The following NRG3 variants were observed in gnomAD, a reference collection of about 807,000 sequenced individuals.
NRG3 encodes neuregulin 3.
Under a neutral mutation model 66.9 loss-of-function variants are expected in NRG3, and 31 were observed. That is an observed-to-expected ratio of 0.46 (90% CI 0.35 to 0.63). NRG3 has a LOEUF of 0.63. Ranked by LOEUF, NRG3 falls within the 20% of genes least tolerant of loss-of-function variation. NRG3 has a pLI of 0.00. For missense variants in NRG3, 910 were observed against 878.9 expected, an observed-to-expected ratio of 1.04 and a Z score of -0.45; for synonymous variants, 393 against 359.4, an observed-to-expected ratio of 1.09 and a Z score of -1.06.
chr10:82,889,769 G>A (rs1364498688), intron 4 of NRG3, among the ~76,000 whole-genome samples: 2 of 152,202 alleles, frequency 1.3e-5, no homozygotes, highest in Non-Finnish European at 2.9e-5. Context: ...TGAAGGTGGA[G>A]TTTTGAGTAA....
chr10:82,285,189 C>T (rs1288555450), intron 1 of NRG3, among the ~76,000 whole-genome samples: 1 of 152,160 alleles, frequency 6.6e-6, no homozygotes, highest in Non-Finnish European at 1.5e-5. Flanking sequence ...TTCATTCATG[C>T]TGTAGATGCT....
intron 2 of NRG3, among the ~76,000 whole-genome samples, chr10:82,438,184 C>T (rs1369823573): frequency 2.6e-5 from 4 of 152,212 alleles, no homozygotes; most frequent in Non-Finnish European, 5.9e-5. Context: ...GAGACTGTGG[C>T]CATTCCTCCC....
chr10:82,233,399 G>T (rs943762512), intron 1 of NRG3, among the ~76,000 whole-genome samples: 3 of 152,046 alleles, frequency 2.0e-5, no homozygotes, highest in Non-Finnish European at 4.4e-5. Flanking sequence ...AAAAGAATTG[G>T]CTAGCCTCAA....
At chr10:82,843,621 T>A (rs1191477396) in intron 3 of NRG3, among the ~76,000 whole-genome samples, 1 of 152,136 alleles carries the variant, frequency 6.6e-6, no homozygotes, top group Non-Finnish European at 1.5e-5. Context: ...ACAACTGAAT[T>A]CTCTCATCTA....
chr10:82,512,238 A>G (rs1415841998), intron 2 of NRG3, among the ~76,000 whole-genome samples: 5 of 151,524 alleles, frequency 3.3e-5, no homozygotes, highest in East Asian at 1.9e-4. Context: ...TATAATGAAT[A>G]TACATATACA....
At chr10:82,800,724 G>A (rs944065182) in intron 3 of NRG3, among the ~76,000 whole-genome samples, 1 of 152,188 alleles carries the variant, frequency 6.6e-6, no homozygotes, top group African/African-American at 2.4e-5. Context: ...TACCAAATAA[G>A]ATATATTAAA....
At chr10:82,116,899 G>T (rs559591351) in intron 1 of NRG3, among the ~76,000 whole-genome samples, 1 of 152,192 alleles carries the variant, frequency 6.6e-6, no homozygotes, top group South Asian at 2.1e-4. Context: ...CCATGACCTG[G>T]AGCTTTGCTT....
intron 2 of NRG3, among the ~76,000 whole-genome samples, chr10:82,705,966 T>A (rs1408094993): frequency 6.6e-6 from 1 of 152,194 alleles, no homozygotes; most frequent in African/African-American, 2.4e-5. Flanking sequence ...ATCTTGATAA[T>A]GATGTGATGG....
chr10:82,842,055 A>T (rs946308931), intron 3 of NRG3, among the ~76,000 whole-genome samples: 7 of 152,182 alleles, frequency 4.6e-5, no homozygotes, highest in Non-Finnish European at 8.8e-5. Context: ...GTTTGAGACC[A>T]GCCTGGTCAA....
At chr10:82,855,222 G>A (rs189690901) in intron 3 of NRG3, among the ~76,000 whole-genome samples, 6 of 152,098 alleles carry the variant, frequency 3.9e-5, no homozygotes, top group Non-Finnish European at 8.8e-5. Context: ...TAAAAGCATG[G>A]TATTAAAACA....
intron 6 of NRG3, among the ~76,000 whole-genome samples, chr10:82,968,829 G>T (rs1851455723): frequency 2.6e-5 from 4 of 152,162 alleles, no homozygotes; most frequent in Admixed American, 2.6e-4. Flanking sequence ...AAGACTGGAT[G>T]ATTTATGAAG....
intron 1 of NRG3, among the ~76,000 whole-genome samples, chr10:82,075,506 C>T (rs1187916654): frequency 6.6e-6 from 1 of 151,948 alleles, no homozygotes; most frequent in African/African-American, 2.4e-5. Flanking sequence ...CATGGTCAGC[C>T]CTTTCTCCAA....
At chr10:82,790,477 C>T (rs184183188) in intron 3 of NRG3, among the ~76,000 whole-genome samples, 23 of 152,102 alleles carry the variant, frequency 1.5e-4, no homozygotes, top group Admixed American at 1.5e-3. Context: ...GCGATGACTC[C>T]TTTTTTCGAT....
rs1035521749 is a variant in NRG3, at chr10:82,563,340, G to A, written c.954-175237G>A. On this transcript the variant is annotated intron_variant, in intron 2 of 8. Transcript: ENST00000372141. ...CATATTTTCCCCTCAGGGTTTCACC[G>A]GGAGTTCTTAACTAAAAAATATGTA... is the stretch of plus-strand genomic sequence containing the variant. 7.9e-5 allele frequency among the ~76,000 whole-genome samples: 12 copies of A among 152,066 alleles called. No homozygotes were observed. The East Asian group carries it at 1.4e-3, about 17-fold the overall frequency.
chr10:81,992,599 C>T (rs1429145285), intron 1 of NRG3, among the ~76,000 whole-genome samples: 4 of 152,178 alleles, frequency 2.6e-5, no homozygotes, highest in African/African-American at 9.6e-5. Context: ...ATACAGATTT[C>T]AGCAATAACT....
intron 4 of NRG3, among the ~76,000 whole-genome samples, chr10:82,900,597 C>T (rs867589533): frequency 2.6e-5 from 4 of 151,968 alleles, no homozygotes; most frequent in Admixed American, 1.3e-4. Context: ...ATAAACAGTA[C>T]TTATATTATG....
intron 1 of NRG3, among the ~76,000 whole-genome samples, chr10:81,941,018 A>G (rs1427120977): frequency 6.6e-6 from 1 of 152,128 alleles, no homozygotes; most frequent in Non-Finnish European, 1.5e-5. Flanking sequence ...TGTGTTCTCT[A>G]AGAAGCACAG....
intron 2 of NRG3, among the ~76,000 whole-genome samples, chr10:82,683,218 GT>G (rs1452354370): frequency 6.6e-6 from 1 of 152,000 alleles, no homozygotes; most frequent in African/African-American, 2.4e-5. Context: ...GCCTCCCAAA[GT>G]GCTGGGATTA....
rs553133097 is a variant in NRG3, at chr10:82,824,685, T to A, written c.1028-40726T>A. Among the ~76,000 whole-genome samples the A allele has an allele frequency of 2.0e-5, 3 of 152,118 alleles. No homozygotes were observed. In the East Asian group the frequency reaches 5.8e-4, roughly 29 times the overall value. Reference sequence around the variant, plus strand: ...GTATATTTTTTTTGAGAACTGTATATACAAATATTTTGCCCATTTTTTAAT... The same window carrying A: ...GTATATTTTTTTTGAGAACTGTATAAACAAATATTTTGCCCATTTTTTAAT... On this transcript the variant is annotated intron_variant, in intron 3 of 8. Coordinates refer to ENST00000372141, the MANE Select transcript of NRG3 (RefSeq NM_001010848.4).
Sources: allele counts gnomAD v4.1 joint callset (sites outside exome capture counted in the v4.1 genomes callset), GRCh38; gene constraint gnomAD v4.1.1; transcripts MANE v1.5; gene names NCBI Gene and HGNC (gene_info 2026-07-23, HGNC 2026-07-21).